Variants in SLIT3 observed in about 807,000 individuals in gnomAD.
The protein encoded by SLIT3 is slit homolog 3 protein.
A neutral mutation model predicts 184.0 loss-of-function variants in SLIT3; 68 were observed. The observed-to-expected ratio is 0.37, with a 90% CI of 0.30 to 0.45. The LOEUF (loss-of-function observed/expected upper bound fraction) is 0.45, where lower values mean the gene tolerates loss of function less well. Ranked by LOEUF, SLIT3 falls within the 20% of genes least tolerant of loss-of-function variation. The pLI, the probability that SLIT3 is intolerant of heterozygous loss-of-function variation, is 1.00. For missense variants in SLIT3, 1,707 were observed against 2,026.0 expected (o/e 0.84, Z 3.02); for synonymous variants, 831 against 828.6 (o/e 1.00, Z -0.05).
Position 168,779,889 on chromosome 5 carries a change from A to C in SLIT3, c.1152-5511T>G, listed in dbSNP as rs537705778. 1.2e-4 allele frequency among the ~76,000 whole-genome samples: 18 copies of C among 152,304 alleles called. No homozygotes were observed. The South Asian group carries it at 1.7e-3, about 14-fold the overall frequency. ...GGGAAAACCAGGTCCATTATGATCC[A>C]CTAAAAGGACCCACTACACCCAGGC... On this transcript the variant is annotated intron_variant, in intron 12 of 35. Coordinates refer to ENST00000519560, the MANE Select transcript of SLIT3 (RefSeq NM_003062.4).
At chr5:169,239,263 G>T (rs1277299206) in intron 3 of SLIT3, among the ~76,000 whole-genome samples, 1 of 152,042 alleles carries the variant, frequency 6.6e-6, no homozygotes, top group Non-Finnish European at 1.5e-5. Context: ...TAGGAAATTT[G>T]TAAAAATATT....
At chr5:169,027,742 C>T (rs1389104426) in intron 4 of SLIT3, among the ~76,000 whole-genome samples, 1 of 152,172 alleles carries the variant, frequency 6.6e-6, no homozygotes, top group Non-Finnish European at 1.5e-5. Flanking sequence ...TTATACATTC[C>T]TCCTGCCTTG....
chr5:169,092,371 T>C (rs965423177), intron 4 of SLIT3, among the ~76,000 whole-genome samples: 5 of 152,128 alleles, frequency 3.3e-5, no homozygotes, highest in African/African-American at 1.2e-4. Context: ...GGAAAGGACA[T>C]ATGGACCATA....
intron 2 of SLIT3, among the ~76,000 whole-genome samples, chr5:169,245,100 C>G (rs1001102770): frequency 3.9e-5 from 6 of 152,204 alleles, no homozygotes; most frequent in African/African-American, 1.2e-4. Flanking sequence ...ATAAAAACCA[C>G]ACATAGATTC....
intron 4 of SLIT3, among the ~76,000 whole-genome samples, chr5:169,176,488 G>A (rs1035790086): frequency 6.6e-6 from 1 of 152,156 alleles, no homozygotes; most frequent in East Asian, 1.9e-4. Flanking sequence ...TACAGAGTAA[G>A]TGATAACCAT....
chr5:168,704,117 C>T (rs1038642441), intron 26 of SLIT3, among the ~76,000 whole-genome samples: 1 of 151,962 alleles, frequency 6.6e-6, no homozygotes, highest in Non-Finnish European at 1.5e-5. Flanking sequence ...AATGCACACT[C>T]TCAGGCCTGA....
intron 12 of SLIT3, among the ~76,000 whole-genome samples, chr5:168,779,458 A>C (rs2113557690): frequency 6.6e-6 from 1 of 152,286 alleles, no homozygotes; most frequent in African/African-American, 2.4e-5. Flanking sequence ...CATGTACAGC[A>C]CCTTCTAAAT....
At chr5:168,833,042 A>G (rs1012752306) in intron 6 of SLIT3, among the ~76,000 whole-genome samples, 2 of 152,216 alleles carry the variant, frequency 1.3e-5, no homozygotes, top group African/African-American at 4.8e-5. Flanking sequence ...ATTATCTTTA[A>G]ATGATTGTAA....
At chr5:168,868,429 T>A (rs1235364291) in intron 5 of SLIT3, among the ~76,000 whole-genome samples, 1 of 152,158 alleles carries the variant, frequency 6.6e-6, no homozygotes, top group African/African-American at 2.4e-5. Context: ...CAGCTGGAAC[T>A]ATAGGTTCAT....
chr5:169,264,720 T>C (rs965876271), intron 1 of SLIT3, among the ~76,000 whole-genome samples: 5 of 152,234 alleles, frequency 3.3e-5, no homozygotes, highest in Admixed American at 6.5e-5. Context: ...TCTCATGCTT[T>C]ACCTCTCCAG....
At chr5:168,880,050 C>T (rs1759891284) in intron 5 of SLIT3, among the ~76,000 whole-genome samples, 1 of 152,212 alleles carries the variant, frequency 6.6e-6, no homozygotes, top group Admixed American at 6.5e-5. Flanking sequence ...TAGCAACTCA[C>T]TGACTGCGAA....
At chr5:169,194,363 G>C (rs937566856) in intron 3 of SLIT3, among the ~76,000 whole-genome samples, 2 of 152,026 alleles carry the variant, frequency 1.3e-5, no homozygotes, top group African/African-American at 4.8e-5. Context: ...CAAAGAAGAG[G>C]GCATGGCAGA....
At chr5:169,041,075 C>T (rs1757433103) in intron 4 of SLIT3, among the ~76,000 whole-genome samples, 1 of 152,192 alleles carries the variant, frequency 6.6e-6, no homozygotes, top group South Asian at 2.1e-4. Context: ...TTCCATGATT[C>T]CTAGTATCAT....
intron 4 of SLIT3, among the ~76,000 whole-genome samples, chr5:168,885,483 C>T (rs1760159939): frequency 6.6e-6 from 1 of 152,192 alleles, no homozygotes; most frequent in Non-Finnish European, 1.5e-5. Context: ...AGCAGGGGCC[C>T]AGGTCCTGTC....
intron 4 of SLIT3, among the ~76,000 whole-genome samples, chr5:168,993,548 C>T (rs1026255734): frequency 6.6e-6 from 1 of 152,242 alleles, no homozygotes; most frequent in Non-Finnish European, 1.5e-5. Context: ...GCTCCCACAG[C>T]CTGCTCTGAA....
At chr5:169,009,569 C>T (rs1756062526) in intron 4 of SLIT3, among the ~76,000 whole-genome samples, 1 of 152,206 alleles carries the variant, frequency 6.6e-6, no homozygotes, top group South Asian at 2.1e-4. Context: ...GTCGTTATCA[C>T]TGAGAGAAGC....
intron 8 of SLIT3, among the ~76,000 whole-genome samples, chr5:168,813,172 C>G (rs925663645): frequency 6.6e-6 from 1 of 152,164 alleles, no homozygotes; most frequent in African/African-American, 2.4e-5. Flanking sequence ...AAAGAGATAA[C>G]TGATTTAGGA....
At chr5:168,687,948 G>A (rs754168591) in intron 29 of SLIT3, among the ~76,000 whole-genome samples, 4 of 152,276 alleles carry the variant, frequency 2.6e-5, no homozygotes, top group African/African-American at 7.2e-5. Flanking sequence ...AGAGTGGTGC[G>A]TCAGCAATTC....
chr5:169,175,267 A>G (rs297869), intron 4 of SLIT3, among the ~76,000 whole-genome samples: 119,464 of 152,198 alleles, frequency 0.78, 47,109 homozygotes, highest in East Asian at 0.89. Context: ...ATCCATTTAC[A>G]CAGTGAATAC....
Sources: gnomAD v4.1 joint callset for allele counts (sites outside exome capture counted in the v4.1 genomes callset) on GRCh38, gnomAD v4.1.1 for gene constraint, MANE v1.5 for transcripts, NCBI Gene and HGNC (gene_info 2026-07-23, HGNC 2026-07-21) for gene names.